Variants in CADM2 observed in about 807,000 individuals in gnomAD.
CADM2 encodes cell adhesion molecule 2.
A neutral mutation model predicts 49.8 loss-of-function variants in CADM2; 12 were observed. The ratio of observed to expected loss-of-function variants is 0.24; its 90% CI spans 0.15 to 0.39. The LOEUF (loss-of-function observed/expected upper bound fraction) is 0.39, where lower values mean the gene tolerates loss of function less well. Ranked by LOEUF, CADM2 falls within the 10% of genes least tolerant of loss-of-function variation. CADM2 has a pLI of 1.00. For synonymous variants in CADM2, 214 were observed against 175.4 expected (o/e 1.22, Z -1.74); for missense variants, 378 against 492.3 (o/e 0.77, Z 2.20).
At chr3:85,642,755 C>T (rs915468708) in intron 1 of CADM2, among the ~76,000 whole-genome samples, 34 of 152,034 alleles carry the variant, frequency 2.2e-4, no homozygotes, top group South Asian at 2.1e-4. Flanking sequence ...TTATTCAGTG[C>T]AGTACAGTCA....
intron 1 of CADM2, among the ~76,000 whole-genome samples, chr3:85,174,306 A>T (rs1357648467): frequency 6.6e-6 from 1 of 152,228 alleles, no homozygotes; most frequent in South Asian, 2.1e-4. Context: ...AGCACATAAG[A>T]GTAGTTTAAA....
intron 1 of CADM2, among the ~76,000 whole-genome samples, chr3:85,184,036 C>T (rs1470701630): frequency 6.6e-6 from 1 of 151,928 alleles, no homozygotes; most frequent in East Asian, 1.9e-4. Context: ...GACAAGATGT[C>T]CAGAAAACTG....
intron 8 of CADM2, among the ~76,000 whole-genome samples, chr3:86,031,768 A>G (rs1559812785): frequency 6.6e-6 from 1 of 151,816 alleles, no homozygotes; most frequent in East Asian, 1.9e-4. Flanking sequence ...AAATATATTC[A>G]GTCAGTGAGA....
chr3:85,576,214 A>G (rs1212978729), intron 1 of CADM2, among the ~76,000 whole-genome samples: 1 of 152,186 alleles, frequency 6.6e-6, no homozygotes, highest in Non-Finnish European at 1.5e-5. Context: ...ATTTTCTTAG[A>G]GAAAATCATC....
chr3:85,029,050 A>G (rs1317992160), intron 1 of CADM2, among the ~76,000 whole-genome samples: 1 of 151,826 alleles, frequency 6.6e-6, no homozygotes, highest in Non-Finnish European at 1.5e-5. Flanking sequence ...TTCCTTCTCT[A>G]TTTACAAATT....
chr3:85,179,701 AT>A (rs1184203864), intron 1 of CADM2, among the ~76,000 whole-genome samples: 2 of 152,064 alleles, frequency 1.3e-5, no homozygotes, highest in Admixed American at 1.3e-4. Flanking sequence ...TTTTGGATAG[AT>A]TTTTTTCCAC....
chr3:85,973,211 C>T (rs2108647317), intron 8 of CADM2, among the ~76,000 whole-genome samples: 1 of 151,728 alleles, frequency 6.6e-6, no homozygotes, highest in Non-Finnish European at 1.5e-5. Context: ...ATTGATAAAG[C>T]ACCTGTCATT....
intron 1 of CADM2, among the ~76,000 whole-genome samples, chr3:85,582,136 G>T (rs768422718): frequency 3.9e-5 from 6 of 152,028 alleles, no homozygotes; most frequent in Non-Finnish European, 7.4e-5. Context: ...ATGTTGGCCA[G>T]GATGGTCTCG....
intron 3 of CADM2, among the ~76,000 whole-genome samples, chr3:85,815,068 G>T (rs2108149386): frequency 1.3e-5 from 2 of 152,182 alleles, no homozygotes; most frequent in Admixed American, 1.3e-4. Context: ...TCCCTGAATA[G>T]ACCAATAACA....
At chr3:86,036,412 G>A (rs2107194099) in intron 8 of CADM2, among the ~76,000 whole-genome samples, 1 of 152,052 alleles carries the variant, frequency 6.6e-6, no homozygotes, top group East Asian at 1.9e-4. Context: ...TTCTTTCTAA[G>A]GTTGACCTTC....
chr3:85,802,113 C>T lies in CADM2; in HGVS notation c.155C>T (p.Thr52Ile). 6.2e-7 allele frequency: 1 copy of T among 1,613,112 alleles called. No individual in the cohort carries two copies. Among genetic ancestry groups the T allele is most frequent in the Non-Finnish European group, 8.5e-7 (1 of 1,179,374 alleles). ...TVVEGGTAILTCRVDQNDNTS... is the reference protein window; with the variant it reads ...TVVEGGTAILICRVDQNDNTS... ...GTTGAAGGTGGAACTGCAATTTTGA[C>T]CTGCAGGGTTGATCAAAATGATAAC... Residue 52 changes from threonine to isoleucine, a missense_variant, in exon 3 of 10, where the codon ACC becomes ATC. Physicochemically the swap from Thr to Ile is moderately conservative, Grantham distance 89. Coordinates refer to ENST00000383699, the MANE Select transcript of CADM2 (RefSeq NM_001167675.2).
chr3:85,373,670 A>G (rs2033415290), intron 1 of CADM2, among the ~76,000 whole-genome samples: 1 of 152,180 alleles, frequency 6.6e-6, no homozygotes, highest in Non-Finnish European at 1.5e-5. Flanking sequence ...CTGGACATCT[A>G]GGCATTTCCA....
chr3:85,695,015 A>T (rs1257364749), intron 1 of CADM2, among the ~76,000 whole-genome samples: 1 of 152,076 alleles, frequency 6.6e-6, no homozygotes, highest in Middle Eastern at 3.2e-3. Flanking sequence ...ACTTCCCTTG[A>T]CTTTCTCTTT....
intron 5 of CADM2, among the ~76,000 whole-genome samples, chr3:85,903,576 T>A (rs953064474): frequency 2.0e-5 from 3 of 152,204 alleles, no homozygotes; most frequent in Non-Finnish European, 4.4e-5. Flanking sequence ...AGGGAGTTCC[T>A]TTGTAAAAGT....
At chr3:86,009,613 C>A (rs986247648) in intron 8 of CADM2, among the ~76,000 whole-genome samples, 2 of 151,796 alleles carry the variant, frequency 1.3e-5, no homozygotes, top group Non-Finnish European at 1.5e-5. Context: ...GACAATGTAA[C>A]TATCTAATGA....
intron 3 of CADM2, among the ~76,000 whole-genome samples, chr3:85,811,908 G>A (rs1286956077): frequency 1.4e-5 from 2 of 139,970 alleles, no homozygotes; most frequent in East Asian, 4.1e-4. Flanking sequence ...TTGAGCATTA[G>A]TAGCTTTTAA....
rs1025764518 is a variant in CADM2, at chr3:86,013,654, G to A, written c.971-51951G>A. On this transcript the variant is annotated intron_variant, in intron 8 of 9. Coordinates refer to ENST00000383699, the MANE Select transcript of CADM2 (RefSeq NM_001167675.2). The stretch of plus-strand genomic sequence containing the variant: ...ACTGACGATGTAGTGGACATAGCAG[G>A]GGAAGAGCACCTAACTGTGTTGGTG... The A allele has an allele frequency of 5.0e-6, 8 of 1,603,064 alleles. No individual in the cohort carries two copies. In the African/African-American group the frequency reaches 1.1e-4, roughly 21 times the overall value.
chr3:85,400,350 C>CT (rs1297075415), intron 1 of CADM2, among the ~76,000 whole-genome samples: 2 of 152,182 alleles, frequency 1.3e-5, no homozygotes, highest in African/African-American at 4.8e-5. Flanking sequence ...ATTTTGTTTG[C>CT]CAGTATTTTA....
At chr3:85,138,816 G>T (rs184730259) in intron 1 of CADM2, among the ~76,000 whole-genome samples, 1 of 152,104 alleles carries the variant, frequency 6.6e-6, no homozygotes, top group African/African-American at 2.4e-5. Flanking sequence ...TGCCCAACAC[G>T]TTCACATTTC....
Sources: allele counts gnomAD v4.1 joint callset (sites outside exome capture counted in the v4.1 genomes callset), GRCh38; gene constraint gnomAD v4.1.1; transcripts MANE v1.5; gene names NCBI Gene and HGNC (gene_info 2026-07-23, HGNC 2026-07-21).